Variants in HEMK2 observed in about 807,000 individuals in gnomAD.
HEMK2 encodes methyltransferase HEMK2.
the HEMK2 span, chr21:28,878,246 G>C: frequency 6.2e-7 from 1 of 1,605,536 alleles, no homozygotes; most frequent in South Asian, 1.1e-5. Context: ...GGTGAAAGGA[G>C]ATCTGGAACC....
At chr21:28,692,181 C>T in the HEMK2 span, among the ~76,000 whole-genome samples, 1 of 152,250 alleles carries the variant, frequency 6.6e-6, no homozygotes, top group East Asian at 1.9e-4. Context: ...AGATTCCTTG[C>T]AACCCTGGAC....
chr21:28,577,568 C>T, the HEMK2 span, among the ~76,000 whole-genome samples: 1 of 152,098 alleles, frequency 6.6e-6, no homozygotes, highest in Non-Finnish European at 1.5e-5. Flanking sequence ...TTTTTATTTC[C>T]AAAACCCAAG....
the HEMK2 span, among the ~76,000 whole-genome samples, chr21:28,733,148 G>C: frequency 6.6e-6 from 1 of 152,044 alleles, no homozygotes; most frequent in Admixed American, 6.5e-5. Context: ...GCGTGGTGGT[G>C]GGCACCTAGA....
chr21:28,717,480 C>CTTTTTTTTTTT, the HEMK2 span, among the ~76,000 whole-genome samples: 4 of 117,304 alleles, frequency 3.4e-5, 1 homozygote, highest in African/African-American at 3.5e-5. Flanking sequence ...TCATTTTAGT[C>CTTTTTTTTTTT]TTTTTTTTTT....
At chr21:28,671,142 C>G in the HEMK2 span, 1 of 152,206 alleles carries the variant, frequency 6.6e-6, no homozygotes, top group Non-Finnish European at 1.5e-5. Context: ...GAGGCTCAGG[C>G]CTCAGAGACT....
At chr21:28,688,600 T>C in the HEMK2 span, among the ~76,000 whole-genome samples, 6 of 152,038 alleles carry the variant, frequency 3.9e-5, no homozygotes, top group South Asian at 1.0e-3. Flanking sequence ...ATAAATGTTG[T>C]TGAATGAATA....
chr21:28,808,331 C>G, the HEMK2 span, among the ~76,000 whole-genome samples: 1 of 150,420 alleles, frequency 6.6e-6, no homozygotes, highest in Non-Finnish European at 1.5e-5. Context: ...CTTTCTTCTT[C>G]TTTTCCAATA....
chr21:28,747,887 A>T, the HEMK2 span, among the ~76,000 whole-genome samples: 1 of 152,260 alleles, frequency 6.6e-6, no homozygotes, highest in South Asian at 2.1e-4. Flanking sequence ...TAAAAGGAAC[A>T]TAACCAGAGA....
the HEMK2 span, among the ~76,000 whole-genome samples, chr21:28,608,923 T>A: frequency 5.9e-4 from 90 of 152,052 alleles, no homozygotes; most frequent in Non-Finnish European, 1.6e-4. Flanking sequence ...AAGGAGAGTC[T>A]GACCTCAGAA....
the HEMK2 span, among the ~76,000 whole-genome samples, chr21:28,649,018 G>C: frequency 1.7e-3 from 256 of 147,802 alleles, 2 homozygotes; most frequent in African/African-American, 6.4e-3. Context: ...TTCCACCTAT[G>C]AGTGAGAACA....
At chr21:28,644,647 G>C in the HEMK2 span, among the ~76,000 whole-genome samples, 5 of 152,088 alleles carry the variant, frequency 3.3e-5, no homozygotes, top group African/African-American at 1.2e-4. Flanking sequence ...ATTAAATTCT[G>C]ACTACTTTCC....
chr21:28,643,795 G>C, the HEMK2 span, among the ~76,000 whole-genome samples: 1 of 152,340 alleles, frequency 6.6e-6, no homozygotes, highest in Middle Eastern at 3.4e-3. Flanking sequence ...TGTTCTAGCA[G>C]CCTGAATAGA....
At chr21:28,835,551 C>T in the HEMK2 span, among the ~76,000 whole-genome samples, 1 of 152,106 alleles carries the variant, frequency 6.6e-6, no homozygotes, top group Admixed American at 6.5e-5. Flanking sequence ...ACCAGAAAAC[C>T]AACCCAGGTA....
chr21:28,739,229 T>C, the HEMK2 span, among the ~76,000 whole-genome samples: 1 of 152,220 alleles, frequency 6.6e-6, no homozygotes, highest in Non-Finnish European at 1.5e-5. Flanking sequence ...ACCACAGTAT[T>C]TTCCTGTTTG....
the HEMK2 span, among the ~76,000 whole-genome samples, chr21:28,820,215 A>G: frequency 1.3e-4 from 20 of 152,278 alleles, no homozygotes; most frequent in South Asian, 3.9e-3. Flanking sequence ...CTATCTACAT[A>G]AAGACCAGAG....
At chr21:28,808,617 A>G in the HEMK2 span, among the ~76,000 whole-genome samples, 1 of 152,056 alleles carries the variant, frequency 6.6e-6, no homozygotes, top group Non-Finnish European at 1.5e-5. Flanking sequence ...TTATAAATAC[A>G]TTATATCTTT....
At chr21:28,646,123 A>C in the HEMK2 span, among the ~76,000 whole-genome samples, 1 of 152,200 alleles carries the variant, frequency 6.6e-6, no homozygotes, top group African/African-American at 2.4e-5. Flanking sequence ...GTGTCTTGAG[A>C]GAGAACATCT....
chr21:28,791,298 T>C, the HEMK2 span, among the ~76,000 whole-genome samples: 8 of 152,282 alleles, frequency 5.3e-5, no homozygotes, highest in South Asian at 1.5e-3. Context: ...TCTTGTCCCA[T>C]GGAATAGTGT....
At chr21:28,633,951 C>T in the HEMK2 span, among the ~76,000 whole-genome samples, 1 of 152,130 alleles carries the variant, frequency 6.6e-6, no homozygotes, top group African/African-American at 2.4e-5. Flanking sequence ...CTGTGCTGGG[C>T]CCAATGGAAC....
Sources: allele counts gnomAD v4.1 joint callset (sites outside exome capture counted in the v4.1 genomes callset), GRCh38; gene constraint gnomAD v4.1.1; transcripts MANE v1.5; gene names NCBI Gene and HGNC (gene_info 2026-07-23, HGNC 2026-07-21).